The following RBFOX1 variants were observed in gnomAD, a reference collection of about 807,000 sequenced individuals.
The protein encoded by RBFOX1 is RNA binding fox-1 homolog 1, also known as RNA binding protein fox-1 homolog 1.
Under a neutral mutation model 57.7 loss-of-function variants are expected in RBFOX1, and 8 were observed. The ratio of observed to expected loss-of-function variants is 0.14; its 90% CI spans 0.08 to 0.25. RBFOX1 has a LOEUF of 0.25. RBFOX1 is among the 10% of genes least tolerant of loss of function. The pLI is 1.00. For missense variants in RBFOX1, 611 were observed against 548.5 expected (o/e 1.11, Z -1.14); for synonymous variants, 326 against 222.4 (o/e 1.47, Z -4.15).
chr16:5,268,104 A>G (rs1441770788), intron 1 of RBFOX1, among the ~76,000 whole-genome samples: 1 of 152,094 alleles, frequency 6.6e-6, no homozygotes, highest in Non-Finnish European at 1.5e-5. Flanking sequence ...TGACTGGAAT[A>G]TAGACTCCAT....
intron 5 of RBFOX1, among the ~76,000 whole-genome samples, chr16:7,564,540 C>CAG (rs2091224655): frequency 1.2e-5 from 1 of 82,518 alleles, no homozygotes; most frequent in African/African-American, 9.6e-5. Context: ...GACTCCATCT[C>CAG]AAAAAAAAAA....
chr16:7,497,984 G>C (rs1317027268), intron 4 of RBFOX1, among the ~76,000 whole-genome samples: 1 of 152,176 alleles, frequency 6.6e-6, no homozygotes, highest in Admixed American at 6.5e-5. Context: ...GCTTTTAAAA[G>C]CTTTTACCTC....
At chr16:6,817,581 G>A (rs1405092043) in intron 3 of RBFOX1, among the ~76,000 whole-genome samples, 12 of 150,822 alleles carry the variant, frequency 8.0e-5, no homozygotes, top group African/African-American at 1.7e-4. Flanking sequence ...TGGCGCATGC[G>A]TGTAATTGCA....
At chr16:6,787,050 T>C (rs2082086486) in intron 3 of RBFOX1, among the ~76,000 whole-genome samples, 1 of 152,134 alleles carries the variant, frequency 6.6e-6, no homozygotes, top group Non-Finnish European at 1.5e-5. Context: ...ATTAGTTGAT[T>C]TGAATTTTGA....
chr16:6,763,708 C>T (rs2076947535), intron 3 of RBFOX1, among the ~76,000 whole-genome samples: 1 of 152,146 alleles, frequency 6.6e-6, no homozygotes, highest in African/African-American at 2.4e-5. Flanking sequence ...AGAATGTTTG[C>T]CCCTTTTAGC....
chr16:6,248,948 C>G (rs28626029), intron 1 of RBFOX1, among the ~76,000 whole-genome samples: 14 of 152,070 alleles, frequency 9.2e-5, no homozygotes, highest in East Asian at 1.9e-4. Flanking sequence ...TTTCTATGTA[C>G]GAGGTACTGA....
chr16:7,706,277 T>TAATG (rs1417797813), intron 14 of RBFOX1, among the ~76,000 whole-genome samples: 1 of 152,224 alleles, frequency 6.6e-6, no homozygotes, highest in Admixed American at 6.5e-5. Context: ...TTATTAATCA[T>TAATG]AATAAAACCA....
chr16:5,720,285 T>C (rs1000036858), intron 3 of RBFOX1, among the ~76,000 whole-genome samples: 1 of 152,226 alleles, frequency 6.6e-6, no homozygotes, highest in Non-Finnish European at 1.5e-5. Context: ...TATTTTGATA[T>C]TGAGTTGTGA....
intron 1 of RBFOX1, among the ~76,000 whole-genome samples, chr16:5,360,513 T>C (rs2065517151): frequency 6.6e-6 from 1 of 152,202 alleles, no homozygotes; most frequent in African/African-American, 2.4e-5. Flanking sequence ...CTTCCCGTTA[T>C]ACCAGTATCA....
chr16:5,306,373 G>C (rs1228398981), intron 1 of RBFOX1, among the ~76,000 whole-genome samples: 1 of 150,098 alleles, frequency 6.7e-6, no homozygotes, highest in Non-Finnish European at 1.5e-5. Context: ...AGGCTGTAGT[G>C]TAGTGGCATG....
At chr16:6,945,117 G>A (rs1185437049) in intron 3 of RBFOX1, among the ~76,000 whole-genome samples, 4 of 152,076 alleles carry the variant, frequency 2.6e-5, no homozygotes, top group African/African-American at 9.7e-5. Flanking sequence ...CCTTTGCTAG[G>A]GTCACGCAGA....
chr16:7,212,081 T>G (rs771205113), intron 4 of RBFOX1, among the ~76,000 whole-genome samples: 11 of 152,026 alleles, frequency 7.2e-5, no homozygotes, highest in Non-Finnish European at 1.2e-4. Context: ...GAGTGATGAT[T>G]AGTGGATGAT....
intron 2 of RBFOX1, among the ~76,000 whole-genome samples, chr16:6,525,989 T>C (rs2096572422): frequency 6.6e-6 from 1 of 152,090 alleles, no homozygotes; most frequent in Non-Finnish European, 1.5e-5. Context: ...CAAGTAAAAA[T>C]GACCCCAAGA....
At chr16:6,997,809 G>C (rs2092398143) in intron 3 of RBFOX1, among the ~76,000 whole-genome samples, 1 of 152,082 alleles carries the variant, frequency 6.6e-6, no homozygotes, top group Admixed American at 6.5e-5. Context: ...AGGGTTTCTT[G>C]CTCTGTTAGT....
chr16:6,293,884 T>C (rs2077750305), intron 1 of RBFOX1, among the ~76,000 whole-genome samples: 1 of 27,600 alleles, frequency 3.6e-5, no homozygotes, highest in African/African-American at 1.0e-4. Flanking sequence ...ATCTCAGAAT[T>C]CCAGGGTGAG....
At chr16:6,261,853 A>G (rs1157515036) in intron 1 of RBFOX1, among the ~76,000 whole-genome samples, 1 of 146,118 alleles carries the variant, frequency 6.8e-6, no homozygotes, top group Non-Finnish European at 1.5e-5. Context: ...AAAAAACAAA[A>G]CAAAACAAAA....
At chr16:5,979,490 A>G (rs548574708) in intron 4 of RBFOX1, among the ~76,000 whole-genome samples, 20 of 152,326 alleles carry the variant, frequency 1.3e-4, no homozygotes, top group Admixed American at 5.9e-4. Context: ...AGCATTTACT[A>G]TGTGATATGA....
chr16:6,132,273 G>T lies in RBFOX1; in HGVS notation c.-127+112281G>T, dbSNP rs144936142. Among the ~76,000 whole-genome samples the T allele has an allele frequency of 6.6e-4, 101 of 152,046 alleles. No individual in the cohort carries two copies. The East Asian group carries it at 0.018, about 27-fold the overall frequency. On this transcript the variant is annotated intron_variant, in intron 1 of 15. Coordinates refer to ENST00000550418, the MANE Select transcript of RBFOX1 (RefSeq NM_018723.4). ...GCTCTTCTCTATTTCCAGCCCCCTG[G>T]CAGTTAGGTGGAGCTCTGTGACTAG...
chr16:7,283,757 G>A (rs1182510818), intron 4 of RBFOX1, among the ~76,000 whole-genome samples: 1 of 152,188 alleles, frequency 6.6e-6, no homozygotes, highest in African/African-American at 2.4e-5. Context: ...TCTAGATCAT[G>A]TCATCAGATC....
Sources: gnomAD v4.1 joint callset for allele counts (sites outside exome capture counted in the v4.1 genomes callset) on GRCh38, gnomAD v4.1.1 for gene constraint, MANE v1.5 for transcripts, NCBI Gene and HGNC (gene_info 2026-07-23, HGNC 2026-07-21) for gene names.